The following ARID1B variants were observed in gnomAD, a reference collection of about 807,000 sequenced individuals.
ARID1B encodes the protein AT-rich interactive domain-containing protein 1B.
A neutral mutation model predicts 212.3 loss-of-function variants in ARID1B; 30 were observed. The ratio of observed to expected loss-of-function variants is 0.14; its 90% CI spans 0.11 to 0.19. The LOEUF (loss-of-function observed/expected upper bound fraction) is 0.19. Ranked by LOEUF, ARID1B falls within the 10% of genes least tolerant of loss-of-function variation. The pLI is 1.00. For missense variants in ARID1B, 2,891 were observed against 3,204.0 expected (o/e 0.90, Z 2.36); for synonymous variants, 1,402 against 1,301.7 (o/e 1.08, Z -1.66).
At chr6:156,811,585 A>G (rs1004685959) in intron 1 of ARID1B, among the ~76,000 whole-genome samples, 3 of 152,146 alleles carry the variant, frequency 2.0e-5, no homozygotes, top group Non-Finnish European at 2.9e-5. Flanking sequence ...CTGTGTGCCC[A>G]CATGGTCTTT....
chr6:156,827,061 T>C (rs544630051), intron 1 of ARID1B, among the ~76,000 whole-genome samples: 1 of 152,342 alleles, frequency 6.6e-6, no homozygotes, highest in East Asian at 1.9e-4. Context: ...GTTCAACTTA[T>C]GCCCTGGAGA....
At chr6:156,973,442 A>G (rs1777060028) in intron 4 of ARID1B, among the ~76,000 whole-genome samples, 1 of 152,130 alleles carries the variant, frequency 6.6e-6, no homozygotes. Context: ...TTACTTTTTA[A>G]TGCATTTTAA....
chr6:157,103,578 A>G (rs1455967261), intron 5 of ARID1B, among the ~76,000 whole-genome samples: 1 of 152,220 alleles, frequency 6.6e-6, no homozygotes, highest in Non-Finnish European at 1.5e-5. Context: ...CAAAATACAC[A>G]TATTAGCCTC....
chr6:157,042,580 TA>T (rs1781959002), intron 4 of ARID1B, among the ~76,000 whole-genome samples: 1 of 151,480 alleles, frequency 6.6e-6, no homozygotes, highest in Non-Finnish European at 1.5e-5. Context: ...TGTATTACTC[TA>T]AAAAAGAATG....
At chr6:156,784,568 T>C (rs890696245) in intron 1 of ARID1B, among the ~76,000 whole-genome samples, 1 of 152,230 alleles carries the variant, frequency 6.6e-6, no homozygotes, top group African/African-American at 2.4e-5. Context: ...CATTTGTTTT[T>C]CCTTATACTG....
At chr6:156,956,166 G>A (rs1244264680) in intron 4 of ARID1B, among the ~76,000 whole-genome samples, 3 of 152,276 alleles carry the variant, frequency 2.0e-5, no homozygotes, top group Non-Finnish European at 4.4e-5. Context: ...TCTAGCAGGG[G>A]AAGGAGGTGG....
chr6:157,109,508 G>A (rs181474236), intron 5 of ARID1B, among the ~76,000 whole-genome samples: 8 of 152,238 alleles, frequency 5.3e-5, no homozygotes, highest in South Asian at 2.1e-4. Flanking sequence ...CTCATGTCAC[G>A]AGAGCTAGTT....
At chr6:156,978,984 A>G (rs112786106) in intron 4 of ARID1B, among the ~76,000 whole-genome samples, 3 of 152,202 alleles carry the variant, frequency 2.0e-5, no homozygotes, top group African/African-American at 7.2e-5. Context: ...TGATAAATCC[A>G]TTTTAATGCT....
chr6:156,959,102 A>G (rs902205563), intron 4 of ARID1B, among the ~76,000 whole-genome samples: 5 of 152,206 alleles, frequency 3.3e-5, no homozygotes, highest in South Asian at 4.1e-4. Context: ...GCAAAATGAA[A>G]TGTTTTCCTC....
chr6:156,935,468 C>T lies in ARID1B; in HGVS notation c.2139C>T (p.Asp713=), dbSNP rs2128274472. 6.2e-7 allele frequency: 1 copy of T among 1,608,564 alleles called. No individual in the cohort carries two copies. Among genetic ancestry groups the T allele is most frequent in the Non-Finnish European group, 8.5e-7 (1 of 1,176,122 alleles). The change falls in exon 4 of 20, where the codon GAC becomes GAT. Residue 713 remains aspartate (D), a splice_region_variant and synonymous_variant. Transcript: ENST00000636930. ...QSQQRYQPQQ[D]MSQEGYGTRS... ...TTTGTGTTTGTGTTTTTTTTTAGGA[C>T]ATGTCTCAGGAAGGCTATGGAACTA...
rs554147506 is a variant in ARID1B at position 156,824,802 on chromosome 6, A to G, written c.1792-4425A>G. Among the ~76,000 whole-genome samples the G allele has an allele frequency of 1.8e-4, 28 of 152,252 alleles. No homozygotes were observed. The South Asian group carries it at 5.4e-3, about 29-fold the overall frequency. ...AAAACAAAAAACATAAAATTGCTTC[A>G]GGTTAGATGTGCGTATGAGAAGCAG... On this transcript the variant is annotated intron_variant, in intron 1 of 19. Coordinates refer to ENST00000636930, the MANE Select transcript of ARID1B (RefSeq NM_001374828.1).
At position 157,190,278 on chromosome 6, in the gene ARID1B, A is replaced by C; in HGVS notation, c.4231+68A>C. 1 of 1,509,720 alleles carries C rather than the reference A, an allele frequency of 6.6e-7. No individual in the cohort carries two copies. The highest frequency in any genetic ancestry group is 8.9e-7 in the Non-Finnish European group (1 of 1,129,710). The allele number at this position is 1,509,720 out of a possible 1,614,324, so 93.5% of individuals were successfully genotyped here. ...ATTCTACTCTCTGCCGTTCCACAAC[A>C]GTTCACCTTTCACTCAGAACACCTC... On this transcript the variant is annotated intron_variant, in intron 15 of 19. Transcript: ENST00000636930. The surrounding 1 kb of genome is among the most constrained non-coding windows in gnomAD (Gnocchi z 4.6).
chr6:156,778,555 G>A lies in ARID1B; in HGVS notation c.875G>A (p.Gly292Asp). The A allele has an allele frequency of 8.1e-7, 1 of 1,233,914 alleles. No homozygotes were observed. The highest frequency in any genetic ancestry group is 1.0e-6 in the Non-Finnish European group (1 of 991,352). 76.4% of individuals were successfully genotyped at this position (1,233,914 alleles called of 1,614,324 possible). The change falls in exon 1 of 20, where the codon GGC (glycine) becomes GAC (aspartate). Residue 292 changes from glycine to aspartate, a missense_variant. Transcript: ENST00000636930. ...RYEHPGLGAL[G>D]TQQPPVAVPG... is the part of the protein sequence containing the mutation. ...GAGCACCCGGGCTTGGGCGCCCTGG[G>A]CACGCAGCAGCCGCCGGTCGCCGTG...
In ARID1B at chr6:157,207,770, A is replaced by G. The variant is rs1405370033; in HGVS notation, c.6998A>G (p.Glu2333Gly). The change falls in exon 20 of 20, where the codon GAA becomes GGA. Residue 2333 changes from glutamate to glycine, a missense_variant. Coordinates refer to ENST00000636930, the MANE Select transcript of ARID1B (RefSeq NM_001374828.1). This position sits in a 1 kb window ranked among gnomAD's most constrained non-coding sequence, Gnocchi z 8.5. The stretch of plus-strand genomic sequence containing the variant: ...TTGCTAGCCATGGCCAGAGTGGACG[A>G]AAACCGCTCGGAATTCCTTTTGCAC... ...KALLAMARVDENRSEFLLHEG... is the reference protein window; with the variant it reads ...KALLAMARVDGNRSEFLLHEG... 1 of 1,575,618 alleles carries G rather than the reference A, an allele frequency of 6.3e-7. No homozygotes were observed. The highest frequency in any genetic ancestry group is 2.3e-5 in the East Asian group (1 of 44,158).
At chr6:156,811,180 C>CA (rs1781530516) in intron 1 of ARID1B, among the ~76,000 whole-genome samples, 1 of 152,192 alleles carries the variant, frequency 6.6e-6, no homozygotes, top group East Asian at 1.9e-4. Context: ...CAGATTATGT[C>CA]AAGCCCATCC....
At chr6:156,938,481 A>T (rs940520829) in intron 4 of ARID1B, 2 of 152,172 alleles carry the variant, frequency 1.3e-5, no homozygotes, top group African/African-American at 4.8e-5. Flanking sequence ...TCAATCCATG[A>T]TATTTGAAAC....
At chr6:156,881,093 C>G (rs374146608) in intron 2 of ARID1B, among the ~76,000 whole-genome samples, 2 of 152,124 alleles carry the variant, frequency 1.3e-5, no homozygotes, top group East Asian at 1.9e-4. Context: ...GCAGGAGTTT[C>G]GAGAGAGCCC....
chr6:156,856,920 A>T (rs1227729028), intron 2 of ARID1B, among the ~76,000 whole-genome samples: 2 of 152,130 alleles, frequency 1.3e-5, no homozygotes, highest in African/African-American at 4.8e-5. Context: ...CTGGCAATCT[A>T]AGGGTAGGAT....
chr6:156,805,122 C>T (rs972548445), intron 1 of ARID1B, among the ~76,000 whole-genome samples: 3 of 152,216 alleles, frequency 2.0e-5, no homozygotes, highest in Non-Finnish European at 4.4e-5. Context: ...TTATACTACT[C>T]TGGCAGGAAC....
Sources: gnomAD v4.1 joint callset for allele counts (sites outside exome capture counted in the v4.1 genomes callset) on GRCh38, gnomAD v4.1.1 for gene constraint, Gnocchi (gnomAD v3.1) non-coding constraint, MANE v1.5 for transcripts, NCBI Gene and HGNC (gene_info 2026-07-23, HGNC 2026-07-21) for gene names.